The following GAS7 variants were observed in gnomAD, a reference collection of about 807,000 sequenced individuals.
GAS7 encodes the protein growth arrest-specific protein 7.
In GAS7, 28 loss-of-function variants were observed where a neutral mutation model predicts 71.1. That is an observed-to-expected ratio of 0.39 (90% CI 0.29 to 0.54). The LOEUF (loss-of-function observed/expected upper bound fraction) is 0.54, where lower values mean the gene tolerates loss of function less well. GAS7 is among the 20% of genes least tolerant of loss of function. The probability of loss-of-function intolerance (pLI) is 0.62; values close to 1 mark genes in which losing one functional copy is unlikely to be tolerated. For missense variants in GAS7, 436 were observed against 627.8 expected (o/e 0.69, Z 3.27); for synonymous variants, 258 against 245.8 (o/e 1.05, Z -0.46).
intron 5 of GAS7, among the ~76,000 whole-genome samples, chr17:9,949,512 G>A (rs145876281): frequency 1.4e-3 from 214 of 152,234 alleles, no homozygotes; most frequent in African/African-American, 4.4e-3. Flanking sequence ...AGTAAATCTA[G>A]CGCACACCCC....
chr17:9,980,288 G>C (rs1187855767), intron 3 of GAS7, among the ~76,000 whole-genome samples: 1 of 152,116 alleles, frequency 6.6e-6, no homozygotes, highest in Non-Finnish European at 1.5e-5. Flanking sequence ...CTCAATGCTA[G>C]ACAATATCCA....
intron 3 of GAS7, among the ~76,000 whole-genome samples, chr17:9,979,877 A>AAC (rs1189313126): frequency 1.3e-5 from 2 of 150,422 alleles, no homozygotes; most frequent in African/African-American, 4.9e-5. Flanking sequence ...AAAAAAAAAA[A>AAC]CACAAGAACA....
chr17:10,056,530 TA>T (rs944015705), intron 1 of GAS7, among the ~76,000 whole-genome samples: 314 of 146,860 alleles, frequency 2.1e-3, no homozygotes, highest in Non-Finnish European at 3.6e-3. Flanking sequence ...AAAAATAAAT[TA>T]AAAAAAAAAG....
At chr17:9,954,250 C>A (rs1397387761) in intron 5 of GAS7, among the ~76,000 whole-genome samples, 2 of 152,170 alleles carry the variant, frequency 1.3e-5, no homozygotes, top group Non-Finnish European at 2.9e-5. Flanking sequence ...CTGGCTGCTC[C>A]TGAGTCAGGG....
chr17:10,161,433 G>A (rs914612049), intron 1 of GAS7, among the ~76,000 whole-genome samples: 1 of 152,194 alleles, frequency 6.6e-6, no homozygotes, highest in Non-Finnish European at 1.5e-5. Context: ...AAAAATGGAA[G>A]TGTCGTTACC....
intron 1 of GAS7, among the ~76,000 whole-genome samples, chr17:10,138,696 G>A (rs1008245673): frequency 1.2e-4 from 19 of 152,056 alleles, no homozygotes; most frequent in African/African-American, 3.6e-4. Context: ...GAACCCGGGA[G>A]GTGGAGGTTG....
At chr17:9,966,219 C>T (rs1051458645) in intron 4 of GAS7, among the ~76,000 whole-genome samples, 4 of 151,882 alleles carry the variant, frequency 2.6e-5, no homozygotes, top group African/African-American at 9.7e-5. Context: ...AGGATGGTCT[C>T]GATCTCCTGA....
chr17:10,006,217 A>C (rs561517259), intron 2 of GAS7, among the ~76,000 whole-genome samples: 1 of 151,456 alleles, frequency 6.6e-6, no homozygotes, highest in East Asian at 2.0e-4. Flanking sequence ...GCTGCACACG[A>C]GACTCTAGGT....
In GAS7 at chr17:9,919,395, C is replaced by T. The variant is rs1269860295; in HGVS notation, c.1218+231G>A. On this transcript the variant is annotated intron_variant, in intron 12 of 13. Transcript: ENST00000432992. The surrounding 1 kb of genome is among the most constrained non-coding windows in gnomAD (Gnocchi z 5.0). ...AGGGGACAGCCCAAGAAGGATGTAG[C>T]CATATCCAACCCAACCCTGCCCACA... 2.0e-5 allele frequency among the ~76,000 whole-genome samples: 3 copies of T among 152,134 alleles called. No individual in the cohort carries two copies. The highest frequency in any genetic ancestry group is 2.0e-4 in the Admixed American group (3 of 15,280).
At position 10,134,414 on chromosome 17, in the gene GAS7, T is replaced by C. The variant is rs72809373; in HGVS notation, c.183+63794A>G. Among the ~76,000 whole-genome samples the C allele has an allele frequency of 6.6e-3, 1,000 of 152,322 alleles. 22 individuals are homozygous for C. The South Asian group carries it at 0.066, about 10-fold the overall frequency. On this transcript the variant is annotated intron_variant, in intron 1 of 13. Coordinates refer to ENST00000432992, the MANE Select transcript of GAS7 (RefSeq NM_201433.2). ...CAGGAGGGCAGACGCCTCTTCCATA[T>C]AGATTTTATTTCCTTCGGATATATA... is the stretch of plus-strand genomic sequence containing the variant.
intron 1 of GAS7, among the ~76,000 whole-genome samples, chr17:10,097,237 C>T (rs959495320): frequency 1.3e-5 from 2 of 152,210 alleles, no homozygotes; most frequent in Admixed American, 6.5e-5. Context: ...CTCGGCTCTT[C>T]CAACAAGACC....
At chr17:9,940,768 A>G (rs1008949692) in intron 7 of GAS7, among the ~76,000 whole-genome samples, 2 of 152,214 alleles carry the variant, frequency 1.3e-5, no homozygotes, top group African/African-American at 2.4e-5. Flanking sequence ...ATTTCCCTGG[A>G]GAGGAAAGTT....
Position 9,917,159 on chromosome 17 carries a change from G to A in GAS7, c.*69C>T, listed in dbSNP as rs572403587. On this transcript the variant is annotated 3_prime_UTR_variant, in exon 14 of 14. Coordinates refer to ENST00000432992, the MANE Select transcript of GAS7 (RefSeq NM_201433.2). ...GAGAGAGGGTGGGGGGCATCCACTC[G>A]GCATGGGCCCCATGGTGGGAGCCCA... 3.4e-5 allele frequency: 33 copies of A among 970,482 alleles called. 1 individual carries two copies. Among genetic ancestry groups the A allele is most frequent in the Admixed American group, 2.2e-4 (13 of 58,822 alleles). The allele number at this position is 970,482 out of a possible 1,614,324, so 60.1% of individuals were successfully genotyped here. A position where few individuals can be genotyped will look rare whatever the true frequency, so the allele number is the denominator to read the frequency against.
chr17:10,133,555 G>A (rs2074015716), intron 1 of GAS7, among the ~76,000 whole-genome samples: 1 of 151,996 alleles, frequency 6.6e-6, no homozygotes, highest in Non-Finnish European at 1.5e-5. Flanking sequence ...ACTTATTTGT[G>A]GTGAGAACAA....
chr17:10,083,647 T>C (rs1051740162), intron 1 of GAS7, among the ~76,000 whole-genome samples: 22 of 152,350 alleles, frequency 1.4e-4, no homozygotes, highest in African/African-American at 5.3e-4. Flanking sequence ...AGAATTTTAT[T>C]GAATGATGAA....
chr17:9,989,722 C>T (rs539266887), intron 2 of GAS7, among the ~76,000 whole-genome samples: 2 of 152,118 alleles, frequency 1.3e-5, no homozygotes, highest in East Asian at 1.9e-4. Context: ...GAAGGCCTCA[C>T]CAAGAAAGGA....
rs147595186 is a variant in GAS7, at chr17:10,195,929, C to T, written c.183+2279G>A. Among the ~76,000 whole-genome samples the T allele has an allele frequency of 4.0e-3, 604 of 152,272 alleles. 3 individuals carry two copies. The highest frequency in any genetic ancestry group is 0.014 in the African/African-American group (580 of 41,548). On this transcript the variant is annotated intron_variant, in intron 1 of 13. Transcript: ENST00000432992. ...TCTGCTTTGGCCCTGAGAAGAGTCC[C>T]ACCCAGTACTTAGGATACAGGACTC...
chr17:9,945,347 C>A (rs1440432767), intron 6 of GAS7, among the ~76,000 whole-genome samples: 1 of 151,562 alleles, frequency 6.6e-6, no homozygotes, highest in East Asian at 1.9e-4. Context: ...CCTTCTAACA[C>A]CCTCCTTCCA....
At chr17:10,091,310 G>A (rs1020881558) in intron 1 of GAS7, among the ~76,000 whole-genome samples, 5 of 152,174 alleles carry the variant, frequency 3.3e-5, no homozygotes, top group African/African-American at 7.2e-5. Context: ...TTTGGAATGA[G>A]AGAGAAGTAA....
Sources: allele counts gnomAD v4.1 joint callset (sites outside exome capture counted in the v4.1 genomes callset), GRCh38; gene constraint gnomAD v4.1.1; non-coding constraint Gnocchi (gnomAD v3.1); transcripts MANE v1.5; gene names NCBI Gene and HGNC (gene_info 2026-07-23, HGNC 2026-07-21).